Variants in XKR4 observed in about 807,000 individuals in gnomAD.
XKR4 encodes XK related 4.
In XKR4, 12 loss-of-function variants were observed where a neutral mutation model predicts 53.9. The ratio of observed to expected loss-of-function variants is 0.22; its 90% CI spans 0.14 to 0.36. The LOEUF (loss-of-function observed/expected upper bound fraction) is 0.36, where lower values mean the gene tolerates loss of function less well. Ranked by LOEUF, XKR4 falls within the 10% of genes least tolerant of loss-of-function variation. The pLI, the probability that XKR4 is intolerant of heterozygous loss-of-function variation, is 1.00. For missense variants in XKR4, 799 were observed against 859.5 expected (o/e 0.93, Z 0.88); for synonymous variants, 354 against 362.4 (o/e 0.98, Z 0.26).
intron 1 of XKR4, among the ~76,000 whole-genome samples, chr8:55,253,151 C>G (rs1461259086): frequency 6.6e-6 from 1 of 152,094 alleles, no homozygotes; most frequent in African/African-American, 2.4e-5. Context: ...GAAAATGGAG[C>G]ATTTGGGTGA....
At chr8:55,103,760 G>A (rs1325453313) in intron 1 of XKR4, among the ~76,000 whole-genome samples, 1 of 150,730 alleles carries the variant, frequency 6.6e-6, no homozygotes, top group Admixed American at 6.6e-5. Context: ...TGAAATGGGA[G>A]TTGCTGCTGC....
Position 55,523,404 on chromosome 8 carries a change from G to A in XKR4, c.1130G>A (p.Cys377Tyr), listed in dbSNP as rs1338448020. 6.2e-7 allele frequency: 1 copy of A among 1,614,098 alleles called. No individual in the cohort carries two copies. ...ISYMAVIIQF[C>Y]WHFFTIAARV... ...TACATGGCCGTCATCATCCAGTTCT[G>A]CTGGCACTTCTTCACCATCGCCGCC... Residue 377 changes from cysteine to tyrosine, a missense_variant, in exon 3 of 3, where the codon TGC (cysteine) becomes TAC (tyrosine). This residue lies in a region of XKR4 where 54 missense variants were observed against 89.7 expected (regional missense o/e 0.60). Coordinates refer to ENST00000327381, the MANE Select transcript of XKR4 (RefSeq NM_052898.2).
chr8:55,173,768 T>C (rs1817194422), intron 1 of XKR4, among the ~76,000 whole-genome samples: 1 of 152,222 alleles, frequency 6.6e-6, no homozygotes, highest in African/African-American at 2.4e-5. Context: ...ACTGCATTTC[T>C]TACTTATCTC....
At chr8:55,127,625 A>G (rs1816490329) in intron 1 of XKR4, among the ~76,000 whole-genome samples, 1 of 150,900 alleles carries the variant, frequency 6.6e-6, no homozygotes, top group South Asian at 2.1e-4. Flanking sequence ...GTACATGTGC[A>G]CAACGTGCAG....
chr8:55,348,691 T>TACACACACACAC (rs796321076), intron 1 of XKR4, among the ~76,000 whole-genome samples: 2 of 136,130 alleles, frequency 1.5e-5, no homozygotes, highest in Admixed American at 7.3e-5. Context: ...CAGACAAACA[T>TACACACACACAC]ACACACACAC....
chr8:55,382,034 T>C (rs1268770519), intron 2 of XKR4, among the ~76,000 whole-genome samples: 1 of 152,214 alleles, frequency 6.6e-6, no homozygotes, highest in African/African-American at 2.4e-5. Flanking sequence ...TCCCAAAAAA[T>C]TAAATCTTAT....
At chr8:55,116,018 A>G (rs1816301392) in intron 1 of XKR4, among the ~76,000 whole-genome samples, 1 of 152,186 alleles carries the variant, frequency 6.6e-6, no homozygotes, top group African/African-American at 2.4e-5. Context: ...CCAGACACCA[A>G]GAATAGAGAG....
intron 1 of XKR4, among the ~76,000 whole-genome samples, chr8:55,311,238 T>G (rs1359590656): frequency 1.3e-5 from 2 of 152,174 alleles, no homozygotes; most frequent in Admixed American, 6.5e-5. Flanking sequence ...TTCCTCTGCC[T>G]TCATGGATGA....
At chr8:55,156,913 A>G (rs1030751886) in intron 1 of XKR4, among the ~76,000 whole-genome samples, 2 of 152,222 alleles carry the variant, frequency 1.3e-5, no homozygotes, top group Non-Finnish European at 2.9e-5. Flanking sequence ...TAACAATTGG[A>G]TGAAACTGGT....
chr8:55,263,028 C>T (rs1457881836), intron 1 of XKR4, among the ~76,000 whole-genome samples: 17 of 152,186 alleles, frequency 1.1e-4, no homozygotes, highest in Non-Finnish European at 4.4e-5. Context: ...CTGAGTCCTG[C>T]AGCTTTTTCT....
chr8:55,103,885 A>G (rs192096622), intron 1 of XKR4, among the ~76,000 whole-genome samples: 5,494 of 137,416 alleles, frequency 0.04, 225 homozygotes, highest in African/African-American at 0.1. Context: ...ATATATATAT[A>G]TATATATATC....
chr8:55,363,437 A>G (rs1737256566), intron 2 of XKR4, among the ~76,000 whole-genome samples: 1 of 152,198 alleles, frequency 6.6e-6, no homozygotes, highest in Admixed American at 6.5e-5. Flanking sequence ...GAGGCTCCAC[A>G]GGAAGTCAGA....
chr8:55,521,233 AT>A (rs1472143148), intron 2 of XKR4, among the ~76,000 whole-genome samples: 2 of 152,258 alleles, frequency 1.3e-5, no homozygotes, highest in Non-Finnish European at 2.9e-5. Flanking sequence ...GAAGAGAGAT[AT>A]GAGCGGCTTC....
intron 2 of XKR4, among the ~76,000 whole-genome samples, chr8:55,411,322 T>C (rs1804774805): frequency 6.6e-6 from 1 of 152,196 alleles, no homozygotes; most frequent in Non-Finnish European, 1.5e-5. Context: ...CTTGTGAGGA[T>C]TGAATGTCCT....
intron 2 of XKR4, among the ~76,000 whole-genome samples, chr8:55,358,100 T>A (rs529928223): frequency 6.6e-6 from 1 of 151,910 alleles, no homozygotes; most frequent in East Asian, 1.9e-4. Context: ...GTCCTCTTAG[T>A]AGGAAAAAAA....
chr8:55,359,342 TG>T (rs1803866508), intron 2 of XKR4, among the ~76,000 whole-genome samples: 1 of 152,212 alleles, frequency 6.6e-6, no homozygotes, highest in East Asian at 1.9e-4. Flanking sequence ...GTTGCTCAAA[TG>T]TAAAGGTCGC....
chr8:55,525,210 G>A lies in XKR4; in HGVS notation c.*983G>A, dbSNP rs1806865829. The A allele has an allele frequency of 6.6e-6, 1 of 152,604 alleles. No individual in the cohort carries two copies. The highest frequency in any genetic ancestry group is 6.5e-5 in the Admixed American group (1 of 15,288). 9.5% of individuals were successfully genotyped at this position (152,604 alleles called of 1,614,324 possible). On this transcript the variant is annotated 3_prime_UTR_variant, in exon 3 of 3. Transcript: ENST00000327381. ...GAGTGGCTCTGTGTGACCATAGGCA[G>A]ATGCTGACTCTGGAAGACTCCGTGC...
intron 2 of XKR4, among the ~76,000 whole-genome samples, chr8:55,464,454 TTA>T (rs1242630917): frequency 2.0e-5 from 3 of 152,092 alleles, no homozygotes; most frequent in Non-Finnish European, 4.4e-5. Context: ...TCTCAATAAA[TTA>T]TGTATTGATG....
chr8:55,305,368 G>A (rs1218996583), intron 1 of XKR4, among the ~76,000 whole-genome samples: 1 of 152,050 alleles, frequency 6.6e-6, no homozygotes, highest in Non-Finnish European at 1.5e-5. Flanking sequence ...GAGTATTCCT[G>A]GACACCTGAT....
Sources: gnomAD v4.1 joint callset for allele counts (sites outside exome capture counted in the v4.1 genomes callset) on GRCh38, gnomAD v4.1.1 for gene constraint, gnomAD v4.1.1 regional missense constraint, MANE v1.5 for transcripts, NCBI Gene and HGNC (gene_info 2026-07-23, HGNC 2026-07-21) for gene names.